Variants in PAX7 observed in about 807,000 individuals in gnomAD.
The protein encoded by PAX7 is paired box 7.
In PAX7, 18 loss-of-function variants were observed where a neutral mutation model predicts 50.7. That is an observed-to-expected ratio of 0.36 (90% confidence interval 0.25 to 0.53). PAX7 has a LOEUF of 0.53. Among genes scored for constraint, PAX7 ranks in the 20% least tolerant of loss-of-function variants. The pLI, the probability that PAX7 is intolerant of heterozygous loss-of-function variation, is 0.93. For missense variants in PAX7, 644 were observed against 702.9 expected (o/e 0.92, Z 0.95); for synonymous variants, 310 against 290.4 (o/e 1.07, Z -0.69).
At position 18,703,155 on chromosome 1, in the gene PAX7, G is replaced by T. The variant is rs775866344; in HGVS notation, c.1014G>T (p.Gly338=). 9.9e-6 allele frequency: 16 copies of T among 1,613,010 alleles called. No individual in the cohort carries two copies. The highest frequency in any genetic ancestry group is 4.0e-5 in the African/African-American group (3 of 75,046). The change falls in exon 7 of 9, where the codon GGG becomes GGT. Residue 338 remains glycine, a synonymous_variant. Transcript: ENST00000420770. Reference sequence around the variant, plus strand: ...CACCGTCCACCATGCACCAGGGCGGGCTGGCTGCAGCGGCTGCAGCCGCCG... The same window carrying T: ...CACCGTCCACCATGCACCAGGGCGGTCTGGCTGCAGCGGCTGCAGCCGCCG... The part of the protein sequence containing the change: ...PLPPSTMHQG[G]LAAAAAAADT...
At chr1:18,691,339 T>C (rs1331255514) in intron 4 of PAX7, among the ~76,000 whole-genome samples, 1 of 152,220 alleles carries the variant, frequency 6.6e-6, no homozygotes, top group African/African-American at 2.4e-5. Flanking sequence ...ATTCTGTCCT[T>C]TTAACTGAGA....
intron 7 of PAX7, among the ~76,000 whole-genome samples, chr1:18,721,462 A>G (rs2089493173): frequency 6.6e-6 from 1 of 152,246 alleles, no homozygotes; most frequent in Admixed American, 6.5e-5. Context: ...CACCAGGAGC[A>G]GAGAGCAGAC....
At chr1:18,695,381 C>T (rs1315958598) in intron 5 of PAX7, among the ~76,000 whole-genome samples, 3 of 152,182 alleles carry the variant, frequency 2.0e-5, no homozygotes, top group Non-Finnish European at 4.4e-5. Context: ...GTGCCAGGCG[C>T]TGTTCTAGGC....
chr1:18,667,496 G>A (rs910485256), intron 4 of PAX7, among the ~76,000 whole-genome samples: 6 of 152,100 alleles, frequency 3.9e-5, no homozygotes, highest in African/African-American at 7.2e-5. Context: ...CGGTAAAAGC[G>A]GATCTTTCCC....
intron 7 of PAX7, among the ~76,000 whole-genome samples, chr1:18,716,288 C>G (rs1382926442): frequency 1.3e-5 from 2 of 152,126 alleles, no homozygotes; most frequent in African/African-American, 4.8e-5. Context: ...CGCACCTCGG[C>G]CTTGTCACTC....
At chr1:18,684,513 T>C (rs1244657326) in intron 4 of PAX7, among the ~76,000 whole-genome samples, 1 of 152,226 alleles carries the variant, frequency 6.6e-6, no homozygotes, top group South Asian at 2.1e-4. Context: ...CCGAGCCCCG[T>C]ACACCGTGCG....
chr1:18,663,471 C>G (rs762046977), intron 4 of PAX7, among the ~76,000 whole-genome samples: 44 of 152,238 alleles, frequency 2.9e-4, no homozygotes, highest in Admixed American at 6.5e-4. Flanking sequence ...CAACCTCTGC[C>G]TCCCATGTTC....
At position 18,714,001 on chromosome 1, in the gene PAX7, G is replaced by A. The variant is rs557388795; in HGVS notation, c.1155+10705G>A. On this transcript the variant is annotated intron_variant, in intron 7 of 8. Transcript: ENST00000420770. ...CAAGGCGGGTGGATCACTTGAGGCC[G>A]GGAGTTCGAGACTAACCTGGCCAGC... 1.2e-4 allele frequency among the ~76,000 whole-genome samples: 19 copies of A among 152,194 alleles called. No homozygotes were observed. In the South Asian group the frequency reaches 3.1e-3, roughly 25 times the overall value.
At chr1:18,713,226 C>A (rs1052161964) in intron 7 of PAX7, among the ~76,000 whole-genome samples, 1 of 152,180 alleles carries the variant, frequency 6.6e-6, no homozygotes, top group African/African-American at 2.4e-5. Flanking sequence ...CTGGTATAAA[C>A]AAGTGGGGAA....
At chr1:18,674,562 G>A (rs1394641483) in intron 4 of PAX7, among the ~76,000 whole-genome samples, 1 of 152,226 alleles carries the variant, frequency 6.6e-6, no homozygotes, top group Non-Finnish European at 1.5e-5. Context: ...ATGGCAAGTT[G>A]CAGGAGCAGG....
intron 4 of PAX7, among the ~76,000 whole-genome samples, chr1:18,642,945 G>C (rs1387234190): frequency 6.6e-6 from 1 of 151,780 alleles, no homozygotes; most frequent in Non-Finnish European, 1.5e-5. Context: ...AGGAAGAGAC[G>C]GGGTCGAGGG....
chr1:18,696,792 G>A (rs939555703), intron 5 of PAX7, among the ~76,000 whole-genome samples: 7 of 151,886 alleles, frequency 4.6e-5, no homozygotes, highest in African/African-American at 1.2e-4. Flanking sequence ...GATGGTTAAC[G>A]GGTTCAAAAA....
At chr1:18,658,117 A>G (rs1224365267) in intron 4 of PAX7, among the ~76,000 whole-genome samples, 2 of 152,184 alleles carry the variant, frequency 1.3e-5, no homozygotes, top group Non-Finnish European at 2.9e-5. Flanking sequence ...CTTCTCCTGC[A>G]TTAATGTACA....
At chr1:18,635,065 C>G (rs1024447151) in intron 2 of PAX7, 46 bp from the exon 3 acceptor site, 5 of 1,605,130 alleles carry the variant, frequency 3.1e-6, no homozygotes, top group Non-Finnish European at 3.4e-6. Flanking sequence ...TTTTCCTCCC[C>G]CCATCCCATC....
chr1:18,727,243 G>A (rs1303167781), intron 7 of PAX7, among the ~76,000 whole-genome samples: 5 of 150,080 alleles, frequency 3.3e-5, no homozygotes, highest in African/African-American at 1.2e-4. Flanking sequence ...GGACTTAGAA[G>A]CATGCATACA....
chr1:18,678,504 C>T (rs2088855400), intron 4 of PAX7, among the ~76,000 whole-genome samples: 1 of 152,178 alleles, frequency 6.6e-6, no homozygotes. Context: ...GAGTTTCCAT[C>T]CTCGAGGAAC....
chr1:18,641,920 A>G (rs1015256185), intron 4 of PAX7, among the ~76,000 whole-genome samples: 3 of 151,856 alleles, frequency 2.0e-5, no homozygotes, highest in Non-Finnish European at 2.9e-5. Context: ...CCTGGTCCTG[A>G]GACTGCATCG....
intron 7 of PAX7, among the ~76,000 whole-genome samples, chr1:18,709,451 G>A (rs1459779627): frequency 6.6e-6 from 1 of 152,204 alleles, no homozygotes; most frequent in East Asian, 1.9e-4. Flanking sequence ...ACACAACCAC[G>A]ATCACGGCCA....
Position 18,744,776 on chromosome 1 carries a change from G to T in PAX7, c.1403-38G>T, listed in dbSNP as rs1481837891. The T allele has an allele frequency of 2.4e-6, 3 of 1,252,008 alleles. No homozygotes were observed. In the Admixed American group the frequency reaches 5.9e-5, roughly 25 times the overall value. The allele number at this position is 1,252,008 out of a possible 1,614,324, so 77.6% of individuals were successfully genotyped here. On this transcript the variant is annotated intron_variant, in intron 8 of 8. Coordinates refer to ENST00000420770, the MANE Select transcript of PAX7 (RefSeq NM_001135254.2). ...GAGTGAATGGAAGAATAAACAAAAA[G>T]AACCTCAATTTCTAGGAGAGTCTCT...
Sources: allele counts gnomAD v4.1 joint callset (sites outside exome capture counted in the v4.1 genomes callset), GRCh38; gene constraint gnomAD v4.1.1; transcripts MANE v1.5; gene names NCBI Gene and HGNC (gene_info 2026-07-23, HGNC 2026-07-21).